ABR: variants seen among roughly 807,000 people sequenced by gnomAD.
ABR encodes active breakpoint cluster region-related protein.
Under a neutral mutation model 107.2 loss-of-function variants are expected in ABR, and 35 were observed. The ratio of observed to expected loss-of-function variants is 0.33; its 90% confidence interval spans 0.25 to 0.43. ABR has a LOEUF of 0.43. Ranked by LOEUF, ABR falls within the 20% of genes least tolerant of loss-of-function variation. The probability of loss-of-function intolerance (pLI) is 1.00; values close to 1 mark genes in which losing one functional copy is unlikely to be tolerated. For synonymous variants in ABR, 498 were observed against 462.0 expected, an observed-to-expected ratio of 1.08 and a Z score of -1.00; for missense variants, 815 against 1,115.2, an observed-to-expected ratio of 0.73 and a Z score of 3.83.
chr17:1,091,351 C>T (rs72814047), intron 4 of ABR, among the ~76,000 whole-genome samples: 26 of 145,912 alleles, frequency 1.8e-4, no homozygotes, highest in Non-Finnish European at 3.3e-4. Flanking sequence ...GAGCACCCTC[C>T]GGGAGAGAGA....
chr17:1,158,273 T>A (rs913968462), intron 1 of ABR, among the ~76,000 whole-genome samples: 1 of 151,878 alleles, frequency 6.6e-6, no homozygotes, highest in Non-Finnish European at 1.5e-5. Context: ...TTATTTTTTT[T>A]AAAGTAGAGA....
At chr17:1,146,349 C>G (rs943785141) in intron 1 of ABR, among the ~76,000 whole-genome samples, 1 of 151,878 alleles carries the variant, frequency 6.6e-6, no homozygotes, top group Non-Finnish European at 1.5e-5. Flanking sequence ...ATTCAGCCCC[C>G]GGCCTCTCTG....
intron 1 of ABR, among the ~76,000 whole-genome samples, chr17:1,136,856 C>CT (rs1295674909): frequency 5.3e-5 from 8 of 152,188 alleles, no homozygotes; most frequent in Non-Finnish European, 1.2e-4. Context: ...GGCTGTTTCC[C>CT]TTATCATTCT....
At chr17:1,202,280 G>A (rs1054118266) in intron 1 of ABR, among the ~76,000 whole-genome samples, 13 of 152,016 alleles carry the variant, frequency 8.6e-5, no homozygotes, top group Non-Finnish European at 1.9e-4. Flanking sequence ...CACCCCCTTC[G>A]GCCTCCCAAA....
chr17:1,076,521 C>A (rs1266083535), intron 6 of ABR, among the ~76,000 whole-genome samples: 2 of 152,042 alleles, frequency 1.3e-5, no homozygotes, highest in African/African-American at 4.8e-5. Flanking sequence ...AGAAAGCTGA[C>A]ACTGCATTAT....
At chr17:1,204,646 G>A (rs929890440) in intron 1 of ABR, among the ~76,000 whole-genome samples, 2 of 152,116 alleles carry the variant, frequency 1.3e-5, no homozygotes, top group Non-Finnish European at 2.9e-5. Context: ...ATTCAGTATA[G>A]TGACCTGCTA....
intron 1 of ABR, among the ~76,000 whole-genome samples, chr17:1,147,257 C>A (rs1303908406): frequency 6.6e-6 from 1 of 152,218 alleles, no homozygotes; most frequent in African/African-American, 2.4e-5. Context: ...CCCGGCATGA[C>A]CACGGGGAGC....
chr17:1,188,535 G>C (rs935163046), upstream of ABR, among the ~76,000 whole-genome samples: 4 of 132,810 alleles, frequency 3.0e-5, no homozygotes, highest in Non-Finnish European at 4.9e-5. Context: ...GGGTGACAGA[G>C]GGAGACTCCG....
chr17:1,023,481 A>C (rs2071893840), intron 16 of ABR, among the ~76,000 whole-genome samples: 1 of 152,234 alleles, frequency 6.6e-6, no homozygotes, highest in Admixed American at 6.5e-5. Flanking sequence ...AGCCCAGGGC[A>C]GGTCGAGGAT....
At chr17:1,083,711 C>G (rs2304962) in intron 4 of ABR, 84 bp from the exon 5 acceptor site, 2 of 1,155,492 alleles carry the variant, frequency 1.7e-6, no homozygotes, top group African/African-American at 3.0e-5. Context: ...CACGGAGCAC[C>G]GGGAGCTCCC....
intron 1 of ABR, among the ~76,000 whole-genome samples, chr17:1,145,322 G>A (rs2040481680): frequency 6.6e-6 from 1 of 152,230 alleles, no homozygotes; most frequent in Non-Finnish European, 1.5e-5. Flanking sequence ...TCCCATAGGA[G>A]TTCTAACCCT....
At chr17:1,026,488 T>C (rs548858200) in intron 16 of ABR, among the ~76,000 whole-genome samples, 103 of 152,266 alleles carry the variant, frequency 6.8e-4, no homozygotes, top group African/African-American at 2.4e-3. Context: ...CAGGAGCTGG[T>C]TCCGCTGTCT....
At chr17:1,021,234 G>A (rs1486224452) in intron 16 of ABR, among the ~76,000 whole-genome samples, 5 of 152,184 alleles carry the variant, frequency 3.3e-5, no homozygotes, top group African/African-American at 4.8e-5. Context: ...CTCACTGGAC[G>A]ACGGGAATCT....
Position 1,050,087 on chromosome 17 carries a change from T to C in ABR, c.1754A>G (p.Glu585Gly). Residue 585 changes from glutamate to glycine, a missense_variant, in exon 16 of 23, where the codon GAG (glutamate) becomes GGG (glycine). Glu to Gly is a moderately conservative substitution (Grantham distance 98). This residue lies in a region of ABR where 92 missense variants were observed against 82.3 expected (regional missense o/e 1.12). Coordinates refer to ENST00000302538, the MANE Select transcript of ABR (RefSeq NM_021962.5). The surrounding 1 kb of genome is among the most constrained non-coding windows in gnomAD (Gnocchi z 4.6). ...TTTGCCCATGATCTTGTCCACGATC[T>C]CATTGTTGTCCTTGTTGACCTTGGT... Reference protein sequence around the residue: ...DKTKVNKDNNEIVDKIMGKGQ... With the variant: ...DKTKVNKDNNGIVDKIMGKGQ... The C allele has an allele frequency of 1.2e-6, 2 of 1,614,154 alleles. No individual in the cohort carries two copies. Among genetic ancestry groups the C allele is most frequent in the Middle Eastern group, 1.7e-4 (1 of 6,060 alleles).
chr17:1,012,633 T>C, intron 18 of ABR, 55 bp downstream of exon 18: 2 of 1,356,732 alleles, frequency 1.5e-6, no homozygotes, highest in Non-Finnish European at 2.0e-6. Flanking sequence ...GGGCCCGGGC[T>C]GGGGGGGACC....
chr17:1,014,270 T>C (rs913520814), intron 16 of ABR, among the ~76,000 whole-genome samples: 5 of 149,242 alleles, frequency 3.4e-5, no homozygotes, highest in African/African-American at 1.2e-4. Flanking sequence ...TGAAACCCCG[T>C]CTCTACTAAA....
chr17:1,178,399 C>T (rs775504247), intron 1 of ABR, among the ~76,000 whole-genome samples: 2 of 151,994 alleles, frequency 1.3e-5, no homozygotes, highest in South Asian at 4.1e-4. Flanking sequence ...CCCATCTCTA[C>T]TAAAAATACA....
At chr17:1,083,298 TCCTC>T (rs1398645879) in intron 5 of ABR, 32 of 227,326 alleles carry the variant, frequency 1.4e-4, no homozygotes, top group African/African-American at 7.1e-4. Flanking sequence ...CCTCCCCTGT[TCCTC>T]TCTCTAATCT....
chr17:1,097,540 G>A (rs1031291770), intron 3 of ABR, among the ~76,000 whole-genome samples: 31 of 142,370 alleles, frequency 2.2e-4, no homozygotes, highest in African/African-American at 5.5e-4. Flanking sequence ...ATAATGAGCC[G>A]AGATTGTGCC....
Sources: allele counts gnomAD v4.1 joint callset (sites outside exome capture counted in the v4.1 genomes callset), GRCh38; gene constraint gnomAD v4.1.1; regional missense constraint gnomAD v4.1.1; non-coding constraint Gnocchi (gnomAD v3.1); transcripts MANE v1.5; gene names NCBI Gene and HGNC (gene_info 2026-07-23, HGNC 2026-07-21).